Variants in AMD1 observed in about 807,000 individuals in gnomAD.
AMD1 encodes the protein S-adenosylmethionine decarboxylase proenzyme.
In AMD1, 11 loss-of-function variants were observed where a neutral mutation model predicts 40.2. The observed-to-expected ratio is 0.27, with a 90% CI of 0.17 to 0.45. The LOEUF (loss-of-function observed/expected upper bound fraction) is 0.45, where lower values mean the gene tolerates loss of function less well. AMD1 is among the 20% of genes least tolerant of loss of function. The probability of loss-of-function intolerance (pLI) is 1.00; values close to 1 mark genes in which losing one functional copy is unlikely to be tolerated. For synonymous variants in AMD1, 121 were observed against 130.8 expected (o/e 0.93, Z 0.51); for missense variants, 257 against 410.2 (o/e 0.63, Z 3.23).
chr6:110,858,891 A>T, the AMD1 span: 1 of 822,956 alleles, frequency 1.2e-6, no homozygotes, highest in African/African-American at 1.7e-5. Flanking sequence ...TGTGCCAGCC[A>T]GGTGGGCATG....
At chr6:110,839,718 C>T in the AMD1 span, among the ~76,000 whole-genome samples, 1 of 151,822 alleles carries the variant, frequency 6.6e-6, no homozygotes, top group African/African-American at 2.4e-5. Flanking sequence ...AAGTTTATTC[C>T]TTGTATCTAA....
At chr6:110,853,596 C>A in the AMD1 span, among the ~76,000 whole-genome samples, 1 of 152,020 alleles carries the variant, frequency 6.6e-6, no homozygotes. Flanking sequence ...CGTGAGCCAC[C>A]GCACCTGGCC....
chr6:110,835,242 T>C, the AMD1 span, among the ~76,000 whole-genome samples: 7 of 151,246 alleles, frequency 4.6e-5, no homozygotes, highest in Non-Finnish European at 8.8e-5. Context: ...ATGGTCTCAA[T>C]CTCCTGACCT....
intron 1 of AMD1, among the ~76,000 whole-genome samples, chr6:110,877,019 T>C (rs1785150498): frequency 1.3e-5 from 2 of 152,050 alleles, no homozygotes; most frequent in Admixed American, 1.3e-4. Flanking sequence ...AGGAAGAGGC[T>C]TTTTACAAAG....
the AMD1 span, among the ~76,000 whole-genome samples, chr6:110,851,440 G>C: frequency 6.6e-6 from 1 of 151,374 alleles, no homozygotes; most frequent in Non-Finnish European, 1.5e-5. Flanking sequence ...TTTTTTGTTT[G>C]TTTTTGTTGT....
chr6:110,818,923 A>G, the AMD1 span, among the ~76,000 whole-genome samples: 1 of 152,266 alleles, frequency 6.6e-6, no homozygotes, highest in Admixed American at 6.5e-5. Context: ...TTCTGTAGGC[A>G]ATAGGAAGCT....
intron 4 of AMD1, chr6:110,890,940 CAT>C (rs962739875): frequency 1.3e-5 from 2 of 152,154 alleles, no homozygotes; most frequent in Non-Finnish European, 2.9e-5. Flanking sequence ...TATGTATACA[CAT>C]GTAAAAATAA....
the AMD1 span, chr6:110,815,233 G>A: frequency 1.7e-6 from 2 of 1,172,008 alleles, no homozygotes; most frequent in Middle Eastern, 3.4e-4. Flanking sequence ...TTCTCCAACA[G>A]CCGCCTCTCG....
intron 1 of AMD1, among the ~76,000 whole-genome samples, chr6:110,877,696 T>C (rs1583210939): frequency 3.3e-5 from 5 of 152,386 alleles, no homozygotes; most frequent in Admixed American, 3.3e-4. Flanking sequence ...ATATGTTATA[T>C]GTAGTACGTA....
chr6:110,852,500 G>A, the AMD1 span, among the ~76,000 whole-genome samples: 17 of 151,956 alleles, frequency 1.1e-4, no homozygotes, highest in South Asian at 2.1e-4. Flanking sequence ...GATTACAGGC[G>A]TGAGCCACTG....
chr6:110,892,870 T>C (rs1281542060), intron 7 of AMD1, 40 bp from the exon 8 acceptor site: 2 of 1,613,316 alleles, frequency 1.2e-6, no homozygotes, highest in Non-Finnish European at 1.7e-6. Context: ...TAAATGTGAA[T>C]AGTCTTTCCA....
At chr6:110,858,093 C>T in the AMD1 span, 1 of 466,428 alleles carries the variant, frequency 2.1e-6, no homozygotes, top group Non-Finnish European at 4.0e-6. Flanking sequence ...ATCCTCCCAT[C>T]TTGGCCTCCC....
chr6:110,855,344 C>A, the AMD1 span, among the ~76,000 whole-genome samples: 4 of 152,116 alleles, frequency 2.6e-5, no homozygotes, highest in South Asian at 6.2e-4. Context: ...GATTTAATAG[C>A]CTTGTTTTAT....
At chr6:110,882,292 C>T (rs1010267925) in intron 1 of AMD1, among the ~76,000 whole-genome samples, 1 of 152,200 alleles carries the variant, frequency 6.6e-6, no homozygotes. Flanking sequence ...AAGCAGACCA[C>T]TGAAAACCTT....
chr6:110,839,983 C>A, the AMD1 span, among the ~76,000 whole-genome samples: 2 of 149,684 alleles, frequency 1.3e-5, no homozygotes, highest in Admixed American at 1.3e-4. Flanking sequence ...GGCTGTTATA[C>A]ACGGGAAGTA....
chr6:110,879,146 T>G (rs1785269370), intron 1 of AMD1, among the ~76,000 whole-genome samples: 1 of 152,142 alleles, frequency 6.6e-6, no homozygotes, highest in South Asian at 2.1e-4. Context: ...GAGAGCCCAG[T>G]CTGGGCAACA....
the AMD1 span, among the ~76,000 whole-genome samples, chr6:110,869,230 C>A: frequency 1.4e-4 from 21 of 151,470 alleles, no homozygotes; most frequent in African/African-American, 4.1e-4. Context: ...TCCCGGGGTC[C>A]CGCCATTCTC....
In AMD1 at chr6:110,874,965, A is replaced by G. The variant is rs916302501; in HGVS notation, c.-141A>G. On this transcript the variant is annotated 5_prime_UTR_variant, in exon 1 of 9. The change creates a new upstream start codon in the 5' untranslated region. Transcript: ENST00000368885. ...TCCTTTTTTTAAAAAAAGTTAATATAAAATTATAGCAAAAAAAAAAAGGAA... is the reference window on the plus strand; with the variant it reads ...TCCTTTTTTTAAAAAAAGTTAATATGAAATTATAGCAAAAAAAAAAAGGAA... 1.9e-5 allele frequency: 12 copies of G among 631,166 alleles called. No homozygotes were observed. Among genetic ancestry groups the G allele is most frequent in the African/African-American group, 1.8e-4 (10 of 54,096 alleles). 39.1% of individuals were successfully genotyped at this position (631,166 alleles called of 1,614,324 possible). A position where few individuals can be genotyped will look rare whatever the true frequency, so the allele number is the denominator to read the frequency against.
chr6:110,832,397 C>T, the AMD1 span, among the ~76,000 whole-genome samples: 1 of 151,846 alleles, frequency 6.6e-6, no homozygotes, highest in African/African-American at 2.4e-5. Flanking sequence ...GTAATCCTCC[C>T]ACCTTAGCCT....
Sources: gnomAD v4.1 joint callset for allele counts (sites outside exome capture counted in the v4.1 genomes callset) on GRCh38, gnomAD v4.1.1 for gene constraint, MANE v1.5 for transcripts, NCBI Gene and HGNC (gene_info 2026-07-23, HGNC 2026-07-21) for gene names.